Variants in TRPC4 observed in about 807,000 individuals in gnomAD.
TRPC4 encodes transient receptor potential cation channel subfamily C member 4, also known as short transient receptor potential channel 4.
A neutral mutation model predicts 99.4 loss-of-function variants in TRPC4; 49 were observed. That is an observed-to-expected ratio of 0.49 (90% CI 0.39 to 0.63). TRPC4 has a LOEUF of 0.63. TRPC4 is among the 20% of genes least tolerant of loss of function. TRPC4 has a pLI of 0.00. For missense variants in TRPC4, 898 were observed against 1,152.9 expected, an observed-to-expected ratio of 0.78 and a Z score of 3.20; for synonymous variants, 454 against 425.9, an observed-to-expected ratio of 1.07 and a Z score of -0.81.
At chr13:37,741,360 TG>T (rs1955584104) in intron 3 of TRPC4, among the ~76,000 whole-genome samples, 1 of 152,228 alleles carries the variant, frequency 6.6e-6, no homozygotes, top group Non-Finnish European at 1.5e-5. Flanking sequence ...ACAAGTTTTT[TG>T]TCTAAGACAT....
intron 3 of TRPC4, among the ~76,000 whole-genome samples, chr13:37,733,241 C>A (rs1262639385): frequency 6.6e-6 from 1 of 152,132 alleles, no homozygotes; most frequent in Admixed American, 6.6e-5. Flanking sequence ...CCAATGCGCT[C>A]CAGCTTGCAT....
Position 37,637,495 on chromosome 13 carries a change from C to T in TRPC4, c.2342G>A (p.Ser781Asn), listed in dbSNP as rs766747428. Residue 781 changes from serine to asparagine, a missense_variant, in exon 11 of 11, where the codon AGT (serine) becomes AAT (asparagine). Transcript: ENST00000379705. ...GTCCTTGCTATTACCTTCGCTATCA[C>T]TCTTTTCATCTGAGTCTGCCGAATT... ...SSNSADSDEK[S>N]DSEGNSKDKK... 6.2e-7 allele frequency: 1 copy of T among 1,613,782 alleles called. No individual in the cohort carries two copies. The highest frequency in any genetic ancestry group is 2.2e-5 in the East Asian group (1 of 44,872).
rs534556614 is a variant in TRPC4, at chr13:37,653,089, G to A, written c.1885-1630C>T. On this transcript the variant is annotated intron_variant, in intron 7 of 10. Transcript: ENST00000379705. The stretch of plus-strand genomic sequence containing the variant: ...CCTCCTATCTCCAACCCCAGTCAAG[G>A]TCCCCTCTTCCATACTTTCATGACA... 2.0e-5 allele frequency among the ~76,000 whole-genome samples: 3 copies of A among 152,078 alleles called. No individual in the cohort carries two copies. The South Asian group carries it at 6.3e-4, about 32-fold the overall frequency.
At chr13:37,750,173 C>G (rs1338245612) in intron 2 of TRPC4, among the ~76,000 whole-genome samples, 1 of 152,006 alleles carries the variant, frequency 6.6e-6, no homozygotes. Flanking sequence ...AAAACTGTTG[C>G]TTCAATTCTG....
chr13:37,863,129 A>G (rs1161566888), intron 1 of TRPC4, among the ~76,000 whole-genome samples: 2 of 151,494 alleles, frequency 1.3e-5, no homozygotes, highest in East Asian at 1.9e-4. Flanking sequence ...AGTACACTCC[A>G]TGATGTTCGT....
intron 7 of TRPC4, 36 bp downstream of exon 7, chr13:37,655,051 AG>A (rs1469212718): frequency 7.0e-7 from 1 of 1,425,660 alleles, no homozygotes; most frequent in Non-Finnish European, 9.3e-7. Context: ...CACATTCTAG[AG>A]GAAACATTGA....
At position 37,751,444 on chromosome 13, in the gene TRPC4, G is replaced by A. The variant is rs184272819; in HGVS notation, c.379-4989C>T. On this transcript the variant is annotated intron_variant, in intron 2 of 10. Coordinates refer to ENST00000379705, the MANE Select transcript of TRPC4 (RefSeq NM_016179.4). ...AGAGAGAAGGGTCTGACAAAAGACTGTATGGTTAACCAGCTAATAGAATAG... is the reference window on the plus strand; with the variant it reads ...AGAGAGAAGGGTCTGACAAAAGACTATATGGTTAACCAGCTAATAGAATAG... 4.2e-3 allele frequency among the ~76,000 whole-genome samples: 639 copies of A among 152,242 alleles called. 4 individuals are homozygous for A. The highest frequency in any genetic ancestry group is 7.5e-3 in the Admixed American group (115 of 15,272).
chr13:37,682,854 A>G (rs901860237), intron 4 of TRPC4, among the ~76,000 whole-genome samples: 2 of 151,732 alleles, frequency 1.3e-5, no homozygotes, highest in Non-Finnish European at 2.9e-5. Context: ...AGCTCATGCA[A>G]TGCTCCCACC....
chr13:37,798,828 T>A (rs920932329), intron 1 of TRPC4, among the ~76,000 whole-genome samples: 1 of 152,186 alleles, frequency 6.6e-6, no homozygotes, highest in Non-Finnish European at 1.5e-5. Flanking sequence ...ACAAATATTA[T>A]ACTAGAAATA....
At chr13:37,656,544 T>C (rs1436499900) in intron 6 of TRPC4, among the ~76,000 whole-genome samples, 2 of 152,166 alleles carry the variant, frequency 1.3e-5, no homozygotes, top group African/African-American at 2.4e-5. Flanking sequence ...AAGTCAATCA[T>C]GGTCAAGTGA....
chr13:37,779,320 T>G (rs992970344), intron 2 of TRPC4, among the ~76,000 whole-genome samples: 2 of 151,960 alleles, frequency 1.3e-5, no homozygotes, highest in Non-Finnish European at 2.9e-5. Flanking sequence ...TTCAGTAAAT[T>G]CATCAGAGAC....
At chr13:37,854,650 T>C (rs2139689964) in intron 1 of TRPC4, among the ~76,000 whole-genome samples, 1 of 152,226 alleles carries the variant, frequency 6.6e-6, no homozygotes, top group Middle Eastern at 3.4e-3. Flanking sequence ...TCCTTTTGTG[T>C]GTTTGTTTAT....
At chr13:37,741,429 A>G (rs935334083) in intron 3 of TRPC4, among the ~76,000 whole-genome samples, 4 of 152,168 alleles carry the variant, frequency 2.6e-5, no homozygotes, top group African/African-American at 9.6e-5. Flanking sequence ...TTTTAAGGGT[A>G]TGACTACATG....
intron 3 of TRPC4, among the ~76,000 whole-genome samples, chr13:37,724,770 A>C (rs1954988515): frequency 6.6e-6 from 1 of 152,202 alleles, no homozygotes; most frequent in Admixed American, 6.5e-5. Flanking sequence ...TCACTTTTTC[A>C]AACAAGTTAA....
chr13:37,752,075 C>CTATATATATGTATATATATATATATATA lies in TRPC4; in HGVS notation c.379-5621_379-5620insTATATATATATATATATACATATATATA, dbSNP rs1555266914. Among the ~76,000 whole-genome samples, 68 of 73,950 alleles carry CTATATATATGTATATATATATATATATA rather than the reference C, an allele frequency of 9.2e-4. 12 individuals are homozygous for CTATATATATGTATATATATATATATATA. The highest frequency in any genetic ancestry group is 1.3e-3 in the Non-Finnish European group (46 of 36,712). 48.5% of individuals were successfully genotyped at this position (73,950 alleles called of 152,430 possible). ...TACCAAAACCTGATAAAGCAGAAAACTATATATATATATATATATATGACT... is the reference window on the plus strand; with the variant it reads ...TACCAAAACCTGATAAAGCAGAAAACTATATATATGTATATATATATATATATATATATATATATATATATATATGACT... On this transcript the variant is annotated intron_variant, in intron 2 of 10. Coordinates refer to ENST00000379705, the MANE Select transcript of TRPC4 (RefSeq NM_016179.4).
chr13:37,668,467 T>A (rs1319112288), intron 5 of TRPC4, among the ~76,000 whole-genome samples: 1 of 152,170 alleles, frequency 6.6e-6, no homozygotes, highest in African/African-American at 2.4e-5. Flanking sequence ...ACAAAGTGGT[T>A]AGAGAATATG....
intron 3 of TRPC4, among the ~76,000 whole-genome samples, chr13:37,732,050 T>C (rs12583264): frequency 0.098 from 14,947 of 152,168 alleles, 837 homozygotes; most frequent in Admixed American, 0.17. Context: ...CAATGTAGCA[T>C]TAATTCCACA....
chr13:37,856,353 G>A (rs1265665210), intron 1 of TRPC4, among the ~76,000 whole-genome samples: 1 of 137,532 alleles, frequency 7.3e-6, no homozygotes, highest in African/African-American at 2.7e-5. Context: ...CCAATAATAA[G>A]TAATGAGATC....
chr13:37,682,129 T>A (rs1953263886), intron 4 of TRPC4, among the ~76,000 whole-genome samples: 1 of 152,198 alleles, frequency 6.6e-6, no homozygotes. Flanking sequence ...CCTTTCTTAC[T>A]GTCCGTACTT....
Sources: gnomAD v4.1 joint callset for allele counts (sites outside exome capture counted in the v4.1 genomes callset) on GRCh38, gnomAD v4.1.1 for gene constraint, MANE v1.5 for transcripts, NCBI Gene and HGNC (gene_info 2026-07-23, HGNC 2026-07-21) for gene names.